The following GALNTL6 variants were observed in gnomAD, a reference collection of about 807,000 sequenced individuals.
The protein encoded by GALNTL6 is polypeptide N-acetylgalactosaminyltransferase-like 6.
GALNTL6 carries 46 observed loss-of-function variants against 73.7 expected under a neutral mutation model. That is an observed-to-expected ratio of 0.62 (90% CI 0.49 to 0.80). GALNTL6 has a LOEUF of 0.80. GALNTL6 is among the 30% of genes least tolerant of loss of function. The pLI is 0.00. For missense variants in GALNTL6, 604 were observed against 755.0 expected (o/e 0.80, Z 2.34); for synonymous variants, 259 against 263.7 (o/e 0.98, Z 0.17).
At chr4:172,342,018 C>T (rs770106096) in intron 4 of GALNTL6, among the ~76,000 whole-genome samples, 35 of 152,142 alleles carry the variant, frequency 2.3e-4, no homozygotes, top group Middle Eastern at 6.8e-3. Flanking sequence ...GAATATTGTG[C>T]ATAGTGGACA....
At chr4:172,990,030 G>A (rs372296327) in intron 10 of GALNTL6, among the ~76,000 whole-genome samples, 36 of 152,222 alleles carry the variant, frequency 2.4e-4, no homozygotes, top group African/African-American at 8.2e-4. Context: ...ATTTACCACA[G>A]GTCAGGAACT....
At chr4:172,961,030 G>T (rs1287045949) in intron 10 of GALNTL6, among the ~76,000 whole-genome samples, 1 of 98,716 alleles carries the variant, frequency 1.0e-5, no homozygotes, top group South Asian at 4.3e-4. Flanking sequence ...CCAGAAAAGC[G>T]GAGAAGGGGT....
Position 172,069,488 on chromosome 4 carries a change from C to CATATATGTTATATATAACACACAT in GALNTL6, c.139-160164_139-160163insATGTTATATATAACACACATATAT, listed in dbSNP as rs34495647. 5.8e-5 allele frequency among the ~76,000 whole-genome samples: 4 copies of CATATATGTTATATATAACACACAT among 69,206 alleles called. No homozygotes were observed. The East Asian group carries it at 1.1e-3, about 20-fold the overall frequency. 45.4% of individuals were successfully genotyped at this position (69,206 alleles called of 152,430 possible). ...TATAACATATATGTTATATATAACA[C>CATATATGTTATATATAACACACAT]ATATGTTATATGTATAACACATATA... On this transcript the variant is annotated intron_variant, in intron 2 of 12. Transcript: ENST00000506823.
At chr4:172,167,965 C>CAAAAA (rs70941387) in intron 2 of GALNTL6, among the ~76,000 whole-genome samples, 1 of 113,954 alleles carries the variant, frequency 8.8e-6, no homozygotes, top group African/African-American at 3.3e-5. Flanking sequence ...GACTCCGTCT[C>CAAAAA]AAAAAAAAAA....
intron 5 of GALNTL6, among the ~76,000 whole-genome samples, chr4:172,730,396 A>T (rs1304593315): frequency 1.3e-5 from 2 of 152,102 alleles, no homozygotes; most frequent in Non-Finnish European, 2.9e-5. Context: ...TTATTTTGTG[A>T]TATGTTCCTA....
chr4:172,855,382 G>T (rs187939051), intron 7 of GALNTL6, among the ~76,000 whole-genome samples: 1 of 152,096 alleles, frequency 6.6e-6, no homozygotes, highest in South Asian at 2.1e-4. Context: ...AGTTTCAGGG[G>T]TATTTTGCTC....
At chr4:173,003,706 C>T (rs1352139905) in intron 10 of GALNTL6, among the ~76,000 whole-genome samples, 1 of 152,190 alleles carries the variant, frequency 6.6e-6, no homozygotes, top group Non-Finnish European at 1.5e-5. Flanking sequence ...ATGCTGTACA[C>T]TGTCAAACTT....
At chr4:172,632,729 G>C (rs892933062) in intron 5 of GALNTL6, among the ~76,000 whole-genome samples, 2 of 152,216 alleles carry the variant, frequency 1.3e-5, no homozygotes, top group African/African-American at 4.8e-5. Flanking sequence ...TCCAGAGCAT[G>C]TTACAGACCT....
At chr4:172,339,821 C>T (rs1235337429) in intron 4 of GALNTL6, among the ~76,000 whole-genome samples, 4 of 152,094 alleles carry the variant, frequency 2.6e-5, no homozygotes, top group Admixed American at 6.5e-5. Flanking sequence ...GATGCTGACA[C>T]GGGGGCTGTT....
At chr4:172,674,065 T>C (rs1008006751) in intron 5 of GALNTL6, among the ~76,000 whole-genome samples, 2 of 152,218 alleles carry the variant, frequency 1.3e-5, no homozygotes, top group Non-Finnish European at 2.9e-5. Flanking sequence ...GTATCACTGG[T>C]CTGAGTACTT....
Position 173,040,076 on chromosome 4 carries a change from A to T in GALNTL6, c.1782A>T (p.Lys594Asn), listed in dbSNP as rs778270068. 1.2e-5 allele frequency: 20 copies of T among 1,612,884 alleles called. No individual in the cohort carries two copies. The highest frequency in any genetic ancestry group is 1.6e-5 in the Non-Finnish European group (19 of 1,179,258). ...FEHINMTVLE[K>N]FNHHANS ...ACATTAATATGACTGTTTTAGAAAA[A>T]TTTAACCACCATGCCAACTCCTAGA... The change falls in exon 13 of 13, where the codon AAA becomes AAT. Residue 594 changes from lysine (K) to asparagine (N), a missense_variant. Lys to Asn is a moderately conservative substitution (Grantham distance 94). Around this residue, in one of 5 missense-constraint regions of GALNTL6, gnomAD observed 261 missense variants for 296.5 expected, o/e 0.88. Transcript: ENST00000506823.
At chr4:172,560,980 G>A (rs898108072) in intron 5 of GALNTL6, among the ~76,000 whole-genome samples, 20 of 152,150 alleles carry the variant, frequency 1.3e-4, no homozygotes, top group African/African-American at 2.4e-4. Flanking sequence ...CCGGCCGGGC[G>A]CGGTGGCTCA....
At chr4:172,740,032 ACTTC>A in intron 5 of GALNTL6, among the ~76,000 whole-genome samples, 1 of 151,790 alleles carries the variant, frequency 6.6e-6, no homozygotes, top group South Asian at 2.1e-4. Flanking sequence ...CTTTGTAGGG[ACTTC>A]AAAACCCTCC....
At chr4:172,949,944 G>GA (rs1749363218) in intron 9 of GALNTL6, among the ~76,000 whole-genome samples, 1 of 150,568 alleles carries the variant, frequency 6.6e-6, no homozygotes, top group South Asian at 2.1e-4. Flanking sequence ...AAAAGAAAAA[G>GA]AAAAAAGAAA....
intron 5 of GALNTL6, among the ~76,000 whole-genome samples, chr4:172,412,883 C>G (rs769806337): frequency 1.1e-4 from 16 of 152,124 alleles, no homozygotes; most frequent in Non-Finnish European, 5.9e-5. Context: ...ACTGATACCT[C>G]CAGATTCTCC....
intron 5 of GALNTL6, among the ~76,000 whole-genome samples, chr4:172,541,367 C>T (rs1483012241): frequency 2.6e-5 from 4 of 152,156 alleles, no homozygotes; most frequent in Non-Finnish European, 4.4e-5. Flanking sequence ...CTATTATTGG[C>T]AGAACATATG....
At chr4:172,400,603 A>G (rs995278171) in intron 5 of GALNTL6, among the ~76,000 whole-genome samples, 5 of 152,136 alleles carry the variant, frequency 3.3e-5, no homozygotes, top group Admixed American at 1.3e-4. Context: ...TGAAGGTGCC[A>G]TCATGTTTAG....
At chr4:171,991,973 A>G (rs1419400007) in intron 2 of GALNTL6, among the ~76,000 whole-genome samples, 3 of 151,902 alleles carry the variant, frequency 2.0e-5, no homozygotes, top group Non-Finnish European at 4.4e-5. Context: ...TCTTGAGTAG[A>G]CCATGAAGTG....
chr4:172,371,927 AC>A (rs1330972874), intron 5 of GALNTL6, among the ~76,000 whole-genome samples: 1 of 151,756 alleles, frequency 6.6e-6, no homozygotes, highest in African/African-American at 2.4e-5. Flanking sequence ...GCAGTTAGGA[AC>A]CCCCTTTCTT....
Sources: allele counts gnomAD v4.1 joint callset (sites outside exome capture counted in the v4.1 genomes callset), GRCh38; gene constraint gnomAD v4.1.1; regional missense constraint gnomAD v4.1.1; transcripts MANE v1.5; gene names NCBI Gene and HGNC (gene_info 2026-07-23, HGNC 2026-07-21).